The following CD8B variants were observed in gnomAD, a reference collection of about 807,000 sequenced individuals.
CD8B encodes the protein T-cell surface glycoprotein CD8 beta chain.
CD8B carries 6 observed loss-of-function variants against 24.2 expected under a neutral mutation model. The ratio of observed to expected loss-of-function variants is 0.25; its 90% CI spans 0.14 to 0.49. The LOEUF (loss-of-function observed/expected upper bound fraction) is 0.49. Ranked by LOEUF, CD8B falls within the 20% of genes least tolerant of loss-of-function variation. The pLI, the probability that CD8B is intolerant of heterozygous loss-of-function variation, is 0.98. For synonymous variants in CD8B, 84 were observed against 108.3 expected (o/e 0.78, Z 1.39); for missense variants, 196 against 271.3 (o/e 0.72, Z 1.95).
intron 5 of CD8B, chr2:86,821,592 C>G: frequency 9.2e-6 from 2 of 216,962 alleles, no homozygotes; most frequent in Non-Finnish European, 2.1e-5. Context: ...TTGCTGTAGC[C>G]TCAGAACCAC....
At chr2:86,835,286 A>G (rs1042037246), downstream of CD8B, among the ~76,000 whole-genome samples, 3 of 152,132 alleles carry the variant, frequency 2.0e-5, no homozygotes, top group Non-Finnish European at 2.9e-5. Flanking sequence ...AAGGACTTCA[A>G]CCAAAGCCTG....
At chr2:86,851,641 AT>A (rs1280561896) in intron 3 of CD8B, among the ~76,000 whole-genome samples, 1 of 152,150 alleles carries the variant, frequency 6.6e-6, no homozygotes, top group Non-Finnish European at 1.5e-5. Context: ...TGCTTAAAAT[AT>A]TTAAGACAAA....
intron 5 of CD8B, among the ~76,000 whole-genome samples, chr2:86,829,899 T>A (rs1173944180): frequency 6.6e-6 from 1 of 152,214 alleles, no homozygotes; most frequent in Non-Finnish European, 1.5e-5. Context: ...GAGAGCTGGG[T>A]TCATAGAATA....
At chr2:86,850,419 CATG>C (rs1222824355) in intron 3 of CD8B, among the ~76,000 whole-genome samples, 2 of 152,172 alleles carry the variant, frequency 1.3e-5, no homozygotes, top group Non-Finnish European at 2.9e-5. Flanking sequence ...GGGTTTCATT[CATG>C]ATAACAGGCT....
chr2:86,854,668 G>C (rs994478146), intron 2 of CD8B, among the ~76,000 whole-genome samples: 1 of 152,116 alleles, frequency 6.6e-6, no homozygotes, highest in African/African-American at 2.4e-5. Context: ...GGGGATGAAG[G>C]GGGCACTGCT....
chr2:86,860,117 A>C (rs1328874430), intron 1 of CD8B, among the ~76,000 whole-genome samples: 1 of 152,184 alleles, frequency 6.6e-6, no homozygotes, highest in African/African-American at 2.4e-5. Flanking sequence ...TAAGAATACA[A>C]AAATTATCCA....
intron 5 of CD8B, among the ~76,000 whole-genome samples, chr2:86,826,677 G>T (rs1419114488): frequency 1.3e-5 from 2 of 152,180 alleles, no homozygotes; most frequent in East Asian, 1.9e-4. Flanking sequence ...AGTAGAACAG[G>T]TTCAAGGTTA....
At chr2:86,848,608 AAG>A (rs1219666694) in intron 3 of CD8B, among the ~76,000 whole-genome samples, 1 of 151,798 alleles carries the variant, frequency 6.6e-6, no homozygotes, top group African/African-American at 2.4e-5. Flanking sequence ...GATGTCAAGG[AAG>A]AGAGAGAATT....
chr2:86,860,571 C>T (rs182437288), intron 1 of CD8B, among the ~76,000 whole-genome samples: 4 of 152,296 alleles, frequency 2.6e-5, no homozygotes, highest in African/African-American at 4.8e-5. Flanking sequence ...GAAAGAGAGA[C>T]TCAGGAGGGT....
At chr2:86,844,724 C>A in intron 5 of CD8B, 198 bp downstream of exon 5, 1 of 1,514,568 alleles carries the variant, frequency 6.6e-7, no homozygotes, top group Non-Finnish European at 8.9e-7. Flanking sequence ...CTCACTGCAG[C>A]CTTGAACTCC....
intron 5 of CD8B, among the ~76,000 whole-genome samples, chr2:86,823,989 G>C (rs955762590): frequency 6.6e-6 from 1 of 151,716 alleles, no homozygotes; most frequent in African/African-American, 2.4e-5. Context: ...CCTTTGTACA[G>C]CATGTGTGTG....
chr2:86,824,308 A>C (rs1268991975), intron 5 of CD8B, among the ~76,000 whole-genome samples: 1 of 152,126 alleles, frequency 6.6e-6, no homozygotes, highest in Non-Finnish European at 1.5e-5. Flanking sequence ...CTTTGCACAC[A>C]GCTGGAAGTG....
rs1198381127 is a variant in CD8B, at chr2:86,841,792, C to G, written c.*515G>C. The G allele has an allele frequency of 2.0e-6, 2 of 985,678 alleles. No individual in the cohort carries two copies. Among genetic ancestry groups the G allele is most frequent in the African/African-American group, 3.5e-5 (2 of 57,246 alleles). 61.1% of individuals were successfully genotyped at this position (985,678 alleles called of 1,614,324 possible). On this transcript the variant is annotated 3_prime_UTR_variant, in exon 6 of 6. Transcript: ENST00000390655. ...AGGAAGCCCTCAGAGACTGATATGC[C>G]TTCTGGGAACTGGACAGCCCCTCTC...
In CD8B at chr2:86,841,082, C is replaced by T. The variant is rs1284282480; in HGVS notation, c.*1225G>A. Among the ~76,000 whole-genome samples the T allele has an allele frequency of 6.6e-6, 1 of 150,654 alleles. No individual in the cohort carries two copies. Among genetic ancestry groups the T allele is most frequent in the Non-Finnish European group, 1.5e-5 (1 of 67,560 alleles). On this transcript the variant is annotated 3_prime_UTR_variant, in exon 6 of 6. Transcript: ENST00000390655. Reference sequence around the variant, plus strand: ...TGCAGTGTTTTATGGTGCAATAGCTCCTAGGCTGCTAAAGCTCAGGTAGGG... The same window carrying T: ...TGCAGTGTTTTATGGTGCAATAGCTTCTAGGCTGCTAAAGCTCAGGTAGGG...
chr2:86,850,038 T>C (rs1465570209), intron 3 of CD8B, among the ~76,000 whole-genome samples: 1 of 152,066 alleles, frequency 6.6e-6, no homozygotes, highest in Non-Finnish European at 1.5e-5. Flanking sequence ...TGGAGGTGGG[T>C]GCAGGTCACA....
At chr2:86,825,070 C>T (rs1674623437) in intron 5 of CD8B, among the ~76,000 whole-genome samples, 1 of 152,168 alleles carries the variant, frequency 6.6e-6, no homozygotes, top group South Asian at 2.1e-4. Context: ...CCTGGAGTTT[C>T]CTCCACAGCT....
At chr2:86,822,284 C>A in intron 5 of CD8B, 1 of 1,282,640 alleles carries the variant, frequency 7.8e-7, no homozygotes, top group Non-Finnish European at 1.1e-6. Flanking sequence ...ATGATGACCT[C>A]AGAAAGCAAT....
intron 5 of CD8B, among the ~76,000 whole-genome samples, chr2:86,823,365 C>G (rs57440482): frequency 0.27 from 41,450 of 152,042 alleles, 5,990 homozygotes; most frequent in Non-Finnish European, 0.33. Context: ...CTGTAGCCTT[C>G]ACCTCGTGGG....
At chr2:86,861,788 C>T (rs1676612583) in intron 1 of CD8B, 35 bp downstream of exon 1, 4 of 1,258,178 alleles carry the variant, frequency 3.2e-6, no homozygotes, top group Non-Finnish European at 4.0e-6. Context: ...CCCGGGAGCG[C>T]AGACCCTTGG....
Sources: gnomAD v4.1 joint callset for allele counts (sites outside exome capture counted in the v4.1 genomes callset) on GRCh38, gnomAD v4.1.1 for gene constraint, MANE v1.5 for transcripts, NCBI Gene and HGNC (gene_info 2026-07-23, HGNC 2026-07-21) for gene names.